The following DNAH11 variants were observed in gnomAD, a reference collection of about 807,000 sequenced individuals.
DNAH11 encodes the protein axonemal beta dynein heavy chain 11.
DNAH11 carries 442 observed loss-of-function variants against 526.0 expected under a neutral mutation model. That is an observed-to-expected ratio of 0.84 (90% confidence interval 0.78 to 0.91). The LOEUF (loss-of-function observed/expected upper bound fraction) is 0.91, where lower values mean the gene tolerates loss of function less well. Among genes scored for constraint, DNAH11 ranks in the 40% least tolerant of loss-of-function variants. DNAH11 has a pLI of 0.00. For missense variants in DNAH11, 6,989 were observed against 5,448.7 expected (o/e 1.28, Z -8.90); for synonymous variants, 2,461 against 1,935.9 (o/e 1.27, Z -7.12).
chr7:21,758,328 TAGATA>T (rs1401674640), intron 54 of DNAH11, among the ~76,000 whole-genome samples: 7 of 152,232 alleles, frequency 4.6e-5, no homozygotes, highest in African/African-American at 1.7e-4. Context: ...TCTTTGAGAT[TAGATA>T]AAACAGCAAA....
chr7:21,583,606 G>A (rs77905878), intron 9 of DNAH11, among the ~76,000 whole-genome samples: 225 of 152,146 alleles, frequency 1.5e-3, no homozygotes, highest in African/African-American at 4.7e-3. Flanking sequence ...ACTAAAATGC[G>A]TCTCCACAGC....
intron 68 of DNAH11, among the ~76,000 whole-genome samples, chr7:21,857,563 C>A (rs565104706): frequency 2.0e-5 from 3 of 151,388 alleles, no homozygotes; most frequent in South Asian, 2.1e-4. Flanking sequence ...GGAAGACTTA[C>A]AATTTCTGAT....
intron 20 of DNAH11, 79 bp from the exon 21 acceptor site, chr7:21,615,035 G>T: frequency 2.2e-6 from 3 of 1,375,870 alleles, no homozygotes; most frequent in South Asian, 1.5e-5. Flanking sequence ...TTGAAATGTC[G>T]AGATAACCAG....
intron 76 of DNAH11, among the ~76,000 whole-genome samples, chr7:21,891,580 A>G (rs1374519760): frequency 6.6e-6 from 1 of 152,198 alleles, no homozygotes; most frequent in Non-Finnish European, 1.5e-5. Context: ...CTACATTCTA[A>G]TGTTTAGAGG....
At chr7:21,545,765 C>G (rs10273633) in intron 2 of DNAH11, among the ~76,000 whole-genome samples, 11,000 of 152,240 alleles carry the variant, frequency 0.072, 511 homozygotes, top group South Asian at 0.2. Context: ...TTCATTCAGT[C>G]TAGAGTGGAG....
In DNAH11 at chr7:21,748,787, A is replaced by G. The variant is rs773528223; in HGVS notation, c.8673+45A>G. 1.5e-5 allele frequency: 24 copies of G among 1,568,104 alleles called. No individual in the cohort carries two copies. In the East Asian group the frequency reaches 5.5e-4, roughly 36 times the overall value. On this transcript the variant is annotated intron_variant, in intron 52 of 81. Coordinates refer to ENST00000409508, the MANE Select transcript of DNAH11 (RefSeq NM_001277115.2). Reference sequence around the variant, plus strand: ...AGTTCTTCTGACCCTTCTGCTTGGCAGATAAAGCCGAGGCTCCTAGTGCGC... The same window carrying G: ...AGTTCTTCTGACCCTTCTGCTTGGCGGATAAAGCCGAGGCTCCTAGTGCGC...
chr7:21,820,617 G>A (rs1285481232), intron 65 of DNAH11, among the ~76,000 whole-genome samples: 1 of 152,148 alleles, frequency 6.6e-6, no homozygotes, highest in Non-Finnish European at 1.5e-5. Context: ...GAAGGATGTG[G>A]ACTGGGACAG....
At chr7:21,575,575 T>C (rs746969085) in intron 8 of DNAH11, among the ~76,000 whole-genome samples, 1 of 152,222 alleles carries the variant, frequency 6.6e-6, no homozygotes, top group Non-Finnish European at 1.5e-5. Context: ...TGCCTGCCTA[T>C]TATTCAAGAT....
chr7:21,777,447 C>T (rs1787727607), intron 56 of DNAH11, among the ~76,000 whole-genome samples: 1 of 151,740 alleles, frequency 6.6e-6, no homozygotes, highest in African/African-American at 2.4e-5. Context: ...AATGAAATTA[C>T]TGAATTGTGT....
intron 81 of DNAH11, among the ~76,000 whole-genome samples, chr7:21,900,491 C>G (rs1784743965): frequency 9.6e-6 from 1 of 104,620 alleles, no homozygotes; most frequent in African/African-American, 2.9e-5. Context: ...TACTACAAGA[C>G]TTCTCCAAGC....
intron 61 of DNAH11, among the ~76,000 whole-genome samples, chr7:21,799,494 C>T (rs1471076336): frequency 2.2e-4 from 33 of 152,112 alleles, no homozygotes; most frequent in Admixed American, 1.4e-3. Flanking sequence ...CCCGCCACCA[C>T]GCCCGGCTAA....
intron 2 of DNAH11, 78 bp from the exon 3 acceptor site, chr7:21,558,724 C>A: frequency 1.7e-6 from 2 of 1,162,026 alleles, no homozygotes; most frequent in South Asian, 1.6e-5. Flanking sequence ...AGTTTTGTTG[C>A]CAATTTTGTA....
At chr7:21,881,094 T>C (rs2128042405) in intron 75 of DNAH11, among the ~76,000 whole-genome samples, 1 of 152,204 alleles carries the variant, frequency 6.6e-6, no homozygotes, top group South Asian at 2.1e-4. Context: ...ATGAGATAGG[T>C]CAAACCAGTT....
chr7:21,614,969 T>C (rs1327296635), intron 20 of DNAH11, 145 bp from the exon 21 acceptor site: 2 of 935,578 alleles, frequency 2.1e-6, no homozygotes, highest in Non-Finnish European at 3.1e-6. Context: ...AAAACCTACA[T>C]TTTGCCAGTA....
intron 55 of DNAH11, among the ~76,000 whole-genome samples, chr7:21,768,103 A>G (rs1296035064): frequency 6.6e-6 from 1 of 152,218 alleles, no homozygotes; most frequent in Non-Finnish European, 1.5e-5. Flanking sequence ...CTGACAAATA[A>G]TGACCAAAAC....
At chr7:21,672,696 A>G (rs372266101) in intron 30 of DNAH11, among the ~76,000 whole-genome samples, 14 of 152,304 alleles carry the variant, frequency 9.2e-5, no homozygotes, top group East Asian at 1.9e-4. Context: ...TAAAACTGCA[A>G]TGCTTCTGCT....
chr7:21,890,217 T>C (rs1784282601), intron 76 of DNAH11, among the ~76,000 whole-genome samples: 1 of 152,238 alleles, frequency 6.6e-6, no homozygotes, highest in African/African-American at 2.4e-5. Flanking sequence ...CATTAAGTGA[T>C]GGAAGCTGAA....
intron 28 of DNAH11, among the ~76,000 whole-genome samples, chr7:21,644,290 C>A (rs1787251996): frequency 6.7e-6 from 1 of 150,230 alleles, no homozygotes; most frequent in African/African-American, 2.4e-5. Flanking sequence ...GCAGAGCTTC[C>A]ATTTGGTTAT....
rs527502770 is a variant in DNAH11 at position 21,673,035 on chromosome 7, CT to C, written c.5329-8504del. ...GTCAAGATTGTGTCTTTTCCTTTTT[CT>C]TTTTTTCACGGTGTGTGACATAGAA... On this transcript the variant is annotated intron_variant, in intron 30 of 81. Coordinates refer to ENST00000409508, the MANE Select transcript of DNAH11 (RefSeq NM_001277115.2). Among the ~76,000 whole-genome samples the C allele has an allele frequency of 7.5e-4, 114 of 152,166 alleles. 1 individual carries two copies. The highest frequency in any genetic ancestry group is 6.1e-3 in the Admixed American group (93 of 15,282).
Sources: gnomAD v4.1 joint callset for allele counts (sites outside exome capture counted in the v4.1 genomes callset) on GRCh38, gnomAD v4.1.1 for gene constraint, MANE v1.5 for transcripts, NCBI Gene and HGNC (gene_info 2026-07-23, HGNC 2026-07-21) for gene names.